The following SCAPER variants were observed in gnomAD, a reference collection of about 807,000 sequenced individuals.
SCAPER encodes S phase cyclin A-associated protein in the endoplasmic reticulum.
A neutral mutation model predicts 182.2 loss-of-function variants in SCAPER; 98 were observed. The observed-to-expected ratio is 0.54, with a 90% CI of 0.46 to 0.64. SCAPER has a LOEUF of 0.64. Among genes scored for constraint, SCAPER ranks in the 30% least tolerant of loss-of-function variants. SCAPER has a pLI of 0.00. For missense variants in SCAPER, 1,432 were observed against 1,690.0 expected (o/e 0.85, Z 2.68); for synonymous variants, 605 against 564.6 (o/e 1.07, Z -1.01).
chr15:76,811,808 A>T (rs2066647581), intron 5 of SCAPER, among the ~76,000 whole-genome samples: 1 of 151,610 alleles, frequency 6.6e-6, no homozygotes, highest in Non-Finnish European at 1.5e-5. Flanking sequence ...AAAATAAAAA[A>T]ATAAAAAAAA....
At chr15:76,841,651 A>G (rs1431213644) in intron 5 of SCAPER, 83 bp downstream of exon 5, 3 of 1,190,534 alleles carry the variant, frequency 2.5e-6, no homozygotes, top group East Asian at 2.7e-5. Context: ...CATCTCAAAG[A>G]AAAAAAAAAG....
chr15:76,413,806 TG>T (rs1380478795), intron 26 of SCAPER, among the ~76,000 whole-genome samples: 2 of 152,102 alleles, frequency 1.3e-5, no homozygotes, highest in Non-Finnish European at 2.9e-5. Flanking sequence ...CCGTGGGACC[TG>T]GGGGTAAGAA....
chr15:76,783,949 G>C (rs1312345455), intron 8 of SCAPER, among the ~76,000 whole-genome samples: 1 of 152,186 alleles, frequency 6.6e-6, no homozygotes, highest in East Asian at 1.9e-4. Flanking sequence ...GCAAAAACTG[G>C]AAGCATTCCC....
intron 20 of SCAPER, among the ~76,000 whole-genome samples, chr15:76,694,943 A>G (rs1237917075): frequency 2.0e-5 from 3 of 152,162 alleles, no homozygotes; most frequent in African/African-American, 7.2e-5. Flanking sequence ...AAAGGAAAAA[A>G]CCAATCATAA....
chr15:76,735,637 G>A (rs868561504), intron 15 of SCAPER, among the ~76,000 whole-genome samples: 6 of 150,584 alleles, frequency 4.0e-5, no homozygotes, highest in Non-Finnish European at 8.9e-5. Flanking sequence ...GGGAGATGGA[G>A]GTTGCAGTGA....
intron 24 of SCAPER, among the ~76,000 whole-genome samples, chr15:76,488,588 T>C (rs2051901817): frequency 6.6e-6 from 1 of 152,012 alleles, no homozygotes; most frequent in Non-Finnish European, 1.5e-5. Context: ...TACAAGTACT[T>C]ATGTCAACGT....
chr15:76,799,346 C>G (rs1453504198), intron 7 of SCAPER, among the ~76,000 whole-genome samples: 1 of 146,562 alleles, frequency 6.8e-6, no homozygotes, highest in Non-Finnish European at 1.5e-5. Flanking sequence ...AGTACAGTGG[C>G]GTGATATTGG....
At chr15:76,357,050 G>A (rs1367502916) in intron 29 of SCAPER, among the ~76,000 whole-genome samples, 1 of 151,840 alleles carries the variant, frequency 6.6e-6, no homozygotes. Context: ...CTGGGTTCTT[G>A]TATTTATTTA....
chr15:76,633,109 G>C (rs1242946685), intron 21 of SCAPER, among the ~76,000 whole-genome samples: 1 of 152,044 alleles, frequency 6.6e-6, no homozygotes, highest in Non-Finnish European at 1.5e-5. Context: ...GGTTTTTGTG[G>C]GGTCTTTTTC....
At chr15:76,792,792 AC>A (rs906105591) in intron 8 of SCAPER, among the ~76,000 whole-genome samples, 3 of 152,248 alleles carry the variant, frequency 2.0e-5, no homozygotes, top group Admixed American at 1.3e-4. Context: ...CATAGCTGAC[AC>A]CATGTGGAAA....
At chr15:76,844,556 T>G (rs1473087025) in intron 4 of SCAPER, among the ~76,000 whole-genome samples, 1 of 152,084 alleles carries the variant, frequency 6.6e-6, no homozygotes, top group Non-Finnish European at 1.5e-5. Flanking sequence ...CCATAGAAAT[T>G]CAAAGGATAG....
At chr15:76,687,923 T>G (rs2058122491) in intron 20 of SCAPER, among the ~76,000 whole-genome samples, 1 of 152,208 alleles carries the variant, frequency 6.6e-6, no homozygotes, top group African/African-American at 2.4e-5. Context: ...GTCTTTATAG[T>G]ACAATGTTTT....
At position 76,753,833 on chromosome 15, in the gene SCAPER, T is replaced by A; in HGVS notation, c.1841A>T (p.Lys614Ile). 1 of 1,612,830 alleles carries A rather than the reference T, an allele frequency of 6.2e-7. No individual in the cohort carries two copies. Among genetic ancestry groups the A allele is most frequent in the Non-Finnish European group, 8.5e-7 (1 of 1,179,136 alleles). The change falls in exon 15 of 32, where the codon AAA becomes ATA. Residue 614 changes from lysine to isoleucine, a missense_variant. This residue lies in a region of SCAPER where 88 missense variants were observed against 184.2 expected (regional missense o/e 0.48). Transcript: ENST00000563290. ...KREVQLQAIVKKAQEEEAKVN... is the reference protein window; with the variant it reads ...KREVQLQAIVIKAQEEEAKVN... ...CTTAGCTTCTTCTTCTTGTGCTTTT[T>A]TCACAATTGCTTGTAACTGCACTTC...
intron 1 of SCAPER, among the ~76,000 whole-genome samples, chr15:76,903,119 T>C (rs1468878343): frequency 6.6e-6 from 1 of 152,068 alleles, no homozygotes; most frequent in African/African-American, 2.4e-5. Context: ...TCATCTTACT[T>C]ATCTTTAAAA....
At chr15:76,720,895 G>C (rs369212277) in intron 17 of SCAPER, among the ~76,000 whole-genome samples, 5 of 151,990 alleles carry the variant, frequency 3.3e-5, no homozygotes, top group Admixed American at 1.3e-4. Context: ...CTCTGATGGT[G>C]GTTTCTTTTG....
At position 76,601,480 on chromosome 15, in the gene SCAPER, T is replaced by C. The variant is rs1277003373; in HGVS notation, c.2711+20284A>G. Among the ~76,000 whole-genome samples, 7 of 121,870 alleles carry C rather than the reference T, an allele frequency of 5.7e-5. 1 individual carries two copies. Among genetic ancestry groups the C allele is most frequent in the African/African-American group, 1.3e-4 (5 of 39,806 alleles). The allele number at this position is 121,870 out of a possible 152,430, so 80.0% of individuals were successfully genotyped here. On this transcript the variant is annotated intron_variant, in intron 22 of 31. Transcript: ENST00000563290. ...GCCTGTAGTATTCATTACAGTAACA[T>C]GGCATACATGTTTGTAGCCTAAGAG...
rs1219431776 is a variant in SCAPER at position 76,665,710 on chromosome 15, T to C, written c.2588A>G (p.Glu863Gly). The C allele has an allele frequency of 6.4e-7, 1 of 1,568,232 alleles. No individual in the cohort carries two copies. The highest frequency in any genetic ancestry group is 8.6e-7 in the Non-Finnish European group (1 of 1,156,160). Residue 863 changes from glutamate (E) to glycine (G), a missense_variant, in exon 21 of 32, where the codon GAA (glutamate) becomes GGA (glycine). This residue lies in a region of SCAPER where 718 missense variants were observed against 799.7 expected (regional missense o/e 0.90). Transcript: ENST00000563290. ...TAPAEALKDG[E>G]ERQKNKKKAK... is the part of the protein sequence containing the mutation. ...TTTTTTTTTATTTTTTTGCCGCTCTTCTCCATCTTTCAAAGCTTCTGCTGG... is the reference window on the plus strand; with the variant it reads ...TTTTTTTTTATTTTTTTGCCGCTCTCCTCCATCTTTCAAAGCTTCTGCTGG...
rs1443761298 is a variant in SCAPER, at chr15:76,606,879, T to C, written c.2711+14885A>G. Among the ~76,000 whole-genome samples the C allele has an allele frequency of 4.6e-5, 7 of 152,176 alleles. No individual in the cohort carries two copies. In the East Asian group the frequency reaches 1.3e-3, roughly 29 times the overall value. ...TTTTCCATTTGCTTGGTAGATCTTC[T>C]TCCATCCCTTTATTTTGAGCCTATG... is the stretch of plus-strand genomic sequence containing the variant. On this transcript the variant is annotated intron_variant, in intron 22 of 31. Coordinates refer to ENST00000563290, the MANE Select transcript of SCAPER (RefSeq NM_020843.4).
At chr15:76,503,310 A>C (rs2041304883) in intron 24 of SCAPER, among the ~76,000 whole-genome samples, 1 of 152,220 alleles carries the variant, frequency 6.6e-6, no homozygotes, top group South Asian at 2.1e-4. Context: ...ATTGATAAGG[A>C]ATAGCAACCC....
Sources: allele counts gnomAD v4.1 joint callset (sites outside exome capture counted in the v4.1 genomes callset), GRCh38; gene constraint gnomAD v4.1.1; regional missense constraint gnomAD v4.1.1; transcripts MANE v1.5; gene names NCBI Gene and HGNC (gene_info 2026-07-23, HGNC 2026-07-21).